C14orf132: variants seen among roughly 807,000 people sequenced by gnomAD.
C14orf132 encodes the protein chromosome 14 open reading frame 132.
In C14orf132, 6 loss-of-function variants were observed where a neutral mutation model predicts 5.8. That is an observed-to-expected ratio of 1.03 (90% confidence interval 0.57 to 2.04). The LOEUF is 2.04. C14orf132 is among the 30% of genes most tolerant of loss of function. The pLI, the probability that C14orf132 is intolerant of heterozygous loss-of-function variation, is 0.00. For missense variants in C14orf132, 125 were observed against 115.8 expected (o/e 1.08, Z -0.37); for synonymous variants, 51 against 49.8 (o/e 1.02, Z -0.10).
chr14:96,091,061 C>T lies in C14orf132; in HGVS notation c.*4326C>T, dbSNP rs1405050108. ...AGGAATGAGGATGCAGAGAGATGCA[C>T]GTTAATTACTGTCGCATTTTTCTGT... On this transcript the variant is annotated 3_prime_UTR_variant, in exon 2 of 2. Transcript: ENST00000555004. The T allele has an allele frequency of 8.8e-6, 4 of 454,128 alleles. No homozygotes were observed. The highest frequency in any genetic ancestry group is 7.0e-5 in the East Asian group (1 of 14,372). 28.1% of individuals were successfully genotyped at this position (454,128 alleles called of 1,614,324 possible).
chr14:96,079,341 C>A (rs1887965221), intron 1 of C14orf132, among the ~76,000 whole-genome samples: 1 of 152,214 alleles, frequency 6.6e-6, no homozygotes, highest in Admixed American at 6.5e-5. Flanking sequence ...GGAGCTCAGT[C>A]TCATGCCTGA....
At chr14:96,067,906 C>T (rs188116041) in intron 1 of C14orf132, among the ~76,000 whole-genome samples, 29 of 152,166 alleles carry the variant, frequency 1.9e-4, no homozygotes, top group African/African-American at 6.8e-4. Flanking sequence ...GTCTTCTTTA[C>T]TATGTGTGCC....
chr14:96,078,604 T>C (rs1291033163), intron 1 of C14orf132, among the ~76,000 whole-genome samples: 3 of 152,332 alleles, frequency 2.0e-5, no homozygotes, highest in Admixed American at 6.5e-5. Context: ...AGTTTCATAA[T>C]GGTCCTGTGG....
intron 1 of C14orf132, among the ~76,000 whole-genome samples, chr14:96,070,024 G>A (rs1887657846): frequency 6.6e-6 from 1 of 152,168 alleles, no homozygotes; most frequent in Admixed American, 6.5e-5. Context: ...ATTCCACATC[G>A]GAGAGCCCTG....
At chr14:96,056,384 C>T (rs997492680) in intron 1 of C14orf132, among the ~76,000 whole-genome samples, 8 of 152,166 alleles carry the variant, frequency 5.3e-5, no homozygotes, top group African/African-American at 9.7e-5. Context: ...TCACATTGTG[C>T]GACCTTAGGG....
intron 1 of C14orf132, among the ~76,000 whole-genome samples, chr14:96,080,674 T>A (rs1471428901): frequency 2.6e-5 from 4 of 152,156 alleles, no homozygotes; most frequent in Non-Finnish European, 4.4e-5. Context: ...GCCACCCCAC[T>A]CCTTGGAGCA....
At chr14:96,048,029 A>G (rs1886880946) in intron 1 of C14orf132, among the ~76,000 whole-genome samples, 1 of 152,144 alleles carries the variant, frequency 6.6e-6, no homozygotes, top group Non-Finnish European at 1.5e-5. Context: ...CTCTACTAAA[A>G]ATACAAAAAT....
At chr14:96,056,132 G>A (rs182487521) in intron 1 of C14orf132, among the ~76,000 whole-genome samples, 8 of 152,338 alleles carry the variant, frequency 5.3e-5, no homozygotes, top group Non-Finnish European at 1.5e-5. Flanking sequence ...CTCAGAATGC[G>A]GTGTAGGCCA....
chr14:96,067,200 G>A (rs1887557417), intron 1 of C14orf132, among the ~76,000 whole-genome samples: 1 of 152,212 alleles, frequency 6.6e-6, no homozygotes. Context: ...CAGCGTGCCA[G>A]CACTTCTGTC....
intron 1 of C14orf132, among the ~76,000 whole-genome samples, chr14:96,056,781 A>G (rs888371991): frequency 3.3e-5 from 5 of 152,200 alleles, no homozygotes; most frequent in African/African-American, 1.2e-4. Context: ...AGTTGCAGTC[A>G]GAAAACCCCG....
intron 1 of C14orf132, among the ~76,000 whole-genome samples, chr14:96,080,216 G>A (rs12878972): frequency 0.61 from 92,089 of 152,072 alleles, 28,391 homozygotes; most frequent in East Asian, 0.9. Flanking sequence ...ACTCCCTAGT[G>A]TGTAAGGATC....
chr14:96,039,622 GCCCGCC>G lies in C14orf132; in HGVS notation c.27+97_27+102del. On this transcript the variant is annotated intron_variant, in intron 1 of 1. Coordinates refer to ENST00000555004, the MANE Select transcript of C14orf132 (RefSeq NM_001252507.3). This position sits in a 1 kb window ranked among gnomAD's most constrained non-coding sequence, Gnocchi z 5.3. Reference sequence around the variant, plus strand: ...CTCCACGCTGGGGCTGGGCAGTGGCGCCCGCCCGCGATCCGCGTCCCGGTCCTTTGT... The same window carrying G: ...CTCCACGCTGGGGCTGGGCAGTGGCGCGCGATCCGCGTCCCGGTCCTTTGT... 4 of 1,230,822 alleles carry G rather than the reference GCCCGCC, an allele frequency of 3.2e-6. No homozygotes were observed. Among genetic ancestry groups the G allele is most frequent in the Non-Finnish European group, 4.3e-6 (4 of 935,498 alleles). The allele number at this position is 1,230,822 out of a possible 1,614,324, so 76.2% of individuals were successfully genotyped here.
rs1886626240 is a variant in C14orf132, at chr14:96,039,542, C to T, written c.27+15C>T. On this transcript the variant is annotated intron_variant, in intron 1 of 1. Transcript: ENST00000555004. The surrounding 1 kb of genome is among the most constrained non-coding windows in gnomAD (Gnocchi z 5.3). ...TGGCCGCGCAGGTAACGGGGCGTCC[C>T]CCCCACGCGCCCCGGGCCGCCAAGT... 3 of 1,499,764 alleles carry T rather than the reference C, an allele frequency of 2.0e-6. No homozygotes were observed. The highest frequency in any genetic ancestry group is 1.2e-5 in the South Asian group (1 of 80,372). The allele number at this position is 1,499,764 out of a possible 1,614,324, so 92.9% of individuals were successfully genotyped here.
intron 1 of C14orf132, among the ~76,000 whole-genome samples, chr14:96,044,222 G>A (rs1886774241): frequency 6.6e-6 from 1 of 152,192 alleles, no homozygotes; most frequent in Non-Finnish European, 1.5e-5. Flanking sequence ...TGCCCAGGAT[G>A]GAGTGCAGTG....
chr14:96,063,500 G>T (rs1047714337), intron 1 of C14orf132, among the ~76,000 whole-genome samples: 1 of 151,958 alleles, frequency 6.6e-6, no homozygotes, highest in African/African-American at 2.4e-5. Flanking sequence ...GTAGAGACGG[G>T]GTTTCACCAT....
At chr14:96,078,693 G>T (rs1887946287) in intron 1 of C14orf132, among the ~76,000 whole-genome samples, 1 of 152,202 alleles carries the variant, frequency 6.6e-6, no homozygotes. Context: ...GGCAGACTGG[G>T]CTGGCACCAA....
At chr14:96,066,967 G>A (rs554590886) in intron 1 of C14orf132, among the ~76,000 whole-genome samples, 86 of 152,258 alleles carry the variant, frequency 5.6e-4, no homozygotes, top group Middle Eastern at 3.4e-3. Context: ...GATCAATTAC[G>A]TATGGGCTGT....
intron 1 of C14orf132, among the ~76,000 whole-genome samples, chr14:96,042,175 T>C (rs1023346470): frequency 6.6e-6 from 1 of 152,200 alleles, no homozygotes; most frequent in South Asian, 2.1e-4. Flanking sequence ...GTTAAGACTG[T>C]TCTAGGTGGA....
intron 1 of C14orf132, among the ~76,000 whole-genome samples, chr14:96,074,992 T>C (rs551496868): frequency 6.6e-6 from 1 of 152,364 alleles, no homozygotes; most frequent in African/African-American, 2.4e-5. Context: ...ATTGAGGTTT[T>C]ACATCAATCT....
Sources: gnomAD v4.1 joint callset for allele counts (sites outside exome capture counted in the v4.1 genomes callset) on GRCh38, gnomAD v4.1.1 for gene constraint, Gnocchi (gnomAD v3.1) non-coding constraint, MANE v1.5 for transcripts, NCBI Gene and HGNC (gene_info 2026-07-23, HGNC 2026-07-21) for gene names.